Variants in BCL7A observed in about 807,000 individuals in gnomAD.
BCL7A encodes BAF chromatin remodeling complex subunit BCL7A.
BCL7A carries 11 observed loss-of-function variants against 28.4 expected under a neutral mutation model. The ratio of observed to expected loss-of-function variants is 0.39; its 90% CI spans 0.24 to 0.64. The LOEUF (loss-of-function observed/expected upper bound fraction) is 0.64. Among genes scored for constraint, BCL7A ranks in the 30% least tolerant of loss-of-function variants. The pLI is 0.50. For synonymous variants in BCL7A, 123 were observed against 103.3 expected, an observed-to-expected ratio of 1.19 and a Z score of -1.15; for missense variants, 222 against 274.8, an observed-to-expected ratio of 0.81 and a Z score of 1.36.
chr12:122,024,196 C>A (rs1366456687), intron 1 of BCL7A, among the ~76,000 whole-genome samples: 1 of 152,254 alleles, frequency 6.6e-6, no homozygotes. Flanking sequence ...AACAACACAT[C>A]GTGTCCTCTG....
intron 4 of BCL7A, among the ~76,000 whole-genome samples, chr12:122,046,388 G>T (rs1916334): frequency 2.6e-5 from 4 of 152,068 alleles, no homozygotes; most frequent in African/African-American, 7.2e-5. Flanking sequence ...GGCTCAGGGC[G>T]TGTGTGTCCT....
chr12:122,054,416 A>C (rs886956271), intron 4 of BCL7A, among the ~76,000 whole-genome samples: 1 of 152,164 alleles, frequency 6.6e-6, no homozygotes, highest in African/African-American at 2.4e-5. Context: ...AGAAATGTTT[A>C]CAAAAGGTTA....
chr12:122,025,243 A>C (rs1883594522), intron 1 of BCL7A, among the ~76,000 whole-genome samples: 1 of 152,110 alleles, frequency 6.6e-6, no homozygotes, highest in African/African-American at 2.4e-5. Flanking sequence ...CACGCCTGTA[A>C]TCCCAGAGCT....
chr12:122,060,237 G>A lies in BCL7A; in HGVS notation c.*1074G>A. The A allele has an allele frequency of 4.3e-6, 1 of 232,858 alleles. No individual in the cohort carries two copies. The highest frequency in any genetic ancestry group is 8.5e-6 in the Non-Finnish European group (1 of 117,522). The allele number at this position is 232,858 out of a possible 1,614,324, so 14.4% of individuals were successfully genotyped here. ...GCCTGTGCCCCGGAGAGGCAGGATC[G>A]CAGTGGTCAGAATCCACGTGCTTTC... On this transcript the variant is annotated 3_prime_UTR_variant, in exon 6 of 6. Transcript: ENST00000261822.
At position 122,021,947 on chromosome 12, in the gene BCL7A, TGTGTGTGTGTGAGTGTGTGC is replaced by T; in HGVS notation, c.-139_-120del. ...GTGTGTGTATGTGTGTGTGTGTGTG[TGTGTGTGTGTGAGTGTGTGC>T]GTGTGAGAGTGCGAGTGTCTGTGCG... On this transcript the variant is annotated 5_prime_UTR_variant, in exon 1 of 6. It introduces an in-frame stop codon into an upstream open reading frame of the 5' UTR. Coordinates refer to ENST00000261822, the MANE Select transcript of BCL7A (RefSeq NM_001024808.3). 1 of 582,494 alleles carries T rather than the reference TGTGTGTGTGTGAGTGTGTGC, an allele frequency of 1.7e-6. No individual in the cohort carries two copies. Among genetic ancestry groups the T allele is most frequent in the Non-Finnish European group, 3.1e-6 (1 of 327,064 alleles). The allele number at this position is 582,494 out of a possible 1,614,324, so 36.1% of individuals were successfully genotyped here. A position where few individuals can be genotyped will look rare whatever the true frequency, so the allele number is the denominator to read the frequency against.
intron 1 of BCL7A, among the ~76,000 whole-genome samples, chr12:122,028,156 G>A (rs1883669660): frequency 6.6e-6 from 1 of 152,192 alleles, no homozygotes; most frequent in African/African-American, 2.4e-5. Context: ...CTCTGTCCCA[G>A]AGTCCCCTCA....
At chr12:122,049,225 TAAAAAAA>T (rs72232692) in intron 4 of BCL7A, among the ~76,000 whole-genome samples, 1 of 119,732 alleles carries the variant, frequency 8.4e-6, no homozygotes, top group African/African-American at 3.2e-5. Flanking sequence ...GACCCTGTCT[TAAAAAAA>T]AAAAAAAAAA....
At chr12:122,038,978 C>T (rs1251912041) in intron 3 of BCL7A, among the ~76,000 whole-genome samples, 6 of 151,940 alleles carry the variant, frequency 3.9e-5, no homozygotes, top group Admixed American at 3.9e-4. Context: ...AGTTTGAGAC[C>T]AGCCTGGGCA....
intron 1 of BCL7A, among the ~76,000 whole-genome samples, chr12:122,023,978 G>A (rs550662358): frequency 6.6e-6 from 1 of 152,284 alleles, no homozygotes; most frequent in East Asian, 1.9e-4. Flanking sequence ...CAGGTTCCCG[G>A]CTGGACAGAG....
intron 1 of BCL7A, among the ~76,000 whole-genome samples, chr12:122,025,334 GA>G: frequency 6.6e-6 from 1 of 150,930 alleles, no homozygotes; most frequent in East Asian, 1.9e-4. Context: ...AAAAGAAAAA[GA>G]AAAAAAAGAG....
At chr12:122,049,261 AAAGT>A (rs981885579) in intron 4 of BCL7A, among the ~76,000 whole-genome samples, 57 of 150,604 alleles carry the variant, frequency 3.8e-4, no homozygotes, top group Non-Finnish European at 5.2e-4. Context: ...AAAGAAGAAG[AAAGT>A]AAGAAAGTGT....
At chr12:122,055,787 T>C (rs548627131) in intron 5 of BCL7A, among the ~76,000 whole-genome samples, 1 of 152,200 alleles carries the variant, frequency 6.6e-6, no homozygotes, top group South Asian at 2.1e-4. Flanking sequence ...CCTGGCTGAT[T>C]TTTGTATTTT....
intron 1 of BCL7A, among the ~76,000 whole-genome samples, chr12:122,024,412 T>G (rs2135836173): frequency 6.6e-6 from 1 of 151,842 alleles, no homozygotes; most frequent in South Asian, 2.1e-4. Flanking sequence ...TGCTCAGTGT[T>G]GTCTGTGTTG....
At chr12:122,024,462 GTTTTTT>G (rs59459424) in intron 1 of BCL7A, among the ~76,000 whole-genome samples, 1 of 88,728 alleles carries the variant, frequency 1.1e-5, no homozygotes, top group African/African-American at 4.0e-5. Context: ...GAGGTTTTTT[GTTTTTT>G]TTTTTTTTTG....
intron 4 of BCL7A, among the ~76,000 whole-genome samples, chr12:122,048,026 C>T (rs907847704): frequency 6.6e-6 from 1 of 151,522 alleles, no homozygotes; most frequent in Non-Finnish European, 1.5e-5. Context: ...GCCTCAGCCT[C>T]CAGAGTAGCT....
chr12:122,040,532 CAAA>C (rs1021397193), intron 3 of BCL7A, among the ~76,000 whole-genome samples: 5 of 59,738 alleles, frequency 8.4e-5, no homozygotes, highest in Admixed American at 2.0e-4. Flanking sequence ...GCCGTGTCTC[CAAA>C]AAAAAAAAAA....
intron 1 of BCL7A, among the ~76,000 whole-genome samples, chr12:122,025,246 C>A (rs1468976425): frequency 1.3e-5 from 2 of 151,392 alleles, no homozygotes; most frequent in African/African-American, 2.4e-5. Context: ...GCCTGTAATC[C>A]CAGAGCTTTG....
intron 4 of BCL7A, among the ~76,000 whole-genome samples, chr12:122,050,292 T>G (rs747100004): frequency 9.2e-6 from 1 of 108,266 alleles, no homozygotes; most frequent in Admixed American, 8.4e-5. Context: ...GGATCCTTCT[T>G]TATTGTGGGG....
chr12:122,035,016 C>T (rs1883821566), intron 2 of BCL7A, among the ~76,000 whole-genome samples: 1 of 152,212 alleles, frequency 6.6e-6, no homozygotes, highest in South Asian at 2.1e-4. Context: ...GAGGCAGGTC[C>T]TGCCAGCCAG....
Sources: gnomAD v4.1 joint callset for allele counts (sites outside exome capture counted in the v4.1 genomes callset) on GRCh38, gnomAD v4.1.1 for gene constraint, MANE v1.5 for transcripts, NCBI Gene and HGNC (gene_info 2026-07-23, HGNC 2026-07-21) for gene names.